Variants in TMEM106B observed in about 807,000 individuals in gnomAD.
TMEM106B encodes transmembrane protein 106B.
A neutral mutation model predicts 31.1 loss-of-function variants in TMEM106B; 15 were observed. That is an observed-to-expected ratio of 0.48 (90% confidence interval 0.32 to 0.74). TMEM106B has a LOEUF of 0.74. Ranked by LOEUF, TMEM106B falls within the 30% of genes least tolerant of loss-of-function variation. The pLI is 0.03. For missense variants in TMEM106B, 283 were observed against 327.3 expected (o/e 0.86, Z 1.04); for synonymous variants, 126 against 112.5 (o/e 1.12, Z -0.76).
chr7:12,212,411 G>T (rs972103237), intron 1 of TMEM106B, among the ~76,000 whole-genome samples: 1 of 151,974 alleles, frequency 6.6e-6, no homozygotes, highest in Non-Finnish European at 1.5e-5. Context: ...GTGGCTGACA[G>T]GTGTTGATTA....
intron 4 of TMEM106B, among the ~76,000 whole-genome samples, chr7:12,224,611 T>C (rs1455725359): frequency 2.0e-5 from 3 of 148,182 alleles, no homozygotes; most frequent in Non-Finnish European, 4.4e-5. Flanking sequence ...CATTTGAAAA[T>C]GTCTTTAGGA....
intron 2 of TMEM106B, chr7:12,215,827 G>GAA: frequency 1.2e-5 from 2 of 162,468 alleles, no homozygotes; most frequent in Non-Finnish European, 1.5e-5. Flanking sequence ...GAGCCAAATT[G>GAA]AAAAAAAAAA....
chr7:12,224,504 GTA>G, intron 4 of TMEM106B, 119 bp downstream of exon 4: 1 of 776,410 alleles, frequency 1.3e-6, no homozygotes, highest in Non-Finnish European at 2.0e-6. Context: ...TGTGCTTTCT[GTA>G]TGTCTTTTCT....
At chr7:12,227,703 A>G (rs1239919038) in intron 4 of TMEM106B, among the ~76,000 whole-genome samples, 4 of 151,972 alleles carry the variant, frequency 2.6e-5, no homozygotes, top group African/African-American at 4.8e-5. Context: ...ACATTTGCCA[A>G]TTAAAGATCA....
In TMEM106B at chr7:12,237,844, C is replaced by A. The variant is rs527888619; in HGVS notation, c.*5869C>A. 1.3e-5 allele frequency: 2 copies of A among 150,434 alleles called. No individual in the cohort carries two copies. Among genetic ancestry groups the A allele is most frequent in the East Asian group, 3.9e-4 (2 of 5,100 alleles). The allele number at this position is 150,434 out of a possible 1,614,324, so 9.3% of individuals were successfully genotyped here. ...ACACACACACACACACACACACACA[C>A]ACACACACACACTATTGCTAAAAAA... On this transcript the variant is annotated 3_prime_UTR_variant, in exon 8 of 8. Transcript: ENST00000396668.
rs530790225 is a variant in TMEM106B at position 12,233,914 on chromosome 7, A to C, written c.*1939A>C. Reference sequence around the variant, plus strand: ...CAAATCTGCTTCTCCATATGTGACCAGTCACCTGTCTGCTTTCACATTTAG... The same window carrying C: ...CAAATCTGCTTCTCCATATGTGACCCGTCACCTGTCTGCTTTCACATTTAG... On this transcript the variant is annotated 3_prime_UTR_variant, in exon 8 of 8. Coordinates refer to ENST00000396668, the MANE Select transcript of TMEM106B (RefSeq NM_001134232.2). 1.4e-3 allele frequency: 205 copies of C among 151,818 alleles called. No individual in the cohort carries two copies. Among genetic ancestry groups the C allele is most frequent in the African/African-American group, 4.6e-3 (193 of 41,512 alleles). 9.4% of individuals were successfully genotyped at this position (151,818 alleles called of 1,614,324 possible). A position where few individuals can be genotyped will look rare whatever the true frequency, so the allele number is the denominator to read the frequency against.
Position 12,243,329 on chromosome 7 carries a change from G to T in TMEM106B, c.*11354G>T, listed in dbSNP as rs145111592. 1 of 152,016 alleles carries T rather than the reference G, an allele frequency of 6.6e-6. No homozygotes were observed. Among genetic ancestry groups the T allele is most frequent in the Non-Finnish European group, 1.5e-5 (1 of 67,954 alleles). 9.4% of individuals were successfully genotyped at this position (152,016 alleles called of 1,614,324 possible). A position where few individuals can be genotyped will look rare whatever the true frequency, so the allele number is the denominator to read the frequency against. On this transcript the variant is annotated 3_prime_UTR_variant, in exon 8 of 8. Coordinates refer to ENST00000396668, the MANE Select transcript of TMEM106B (RefSeq NM_001134232.2). ...TTGATACTAATTTTTAAGAAGAAATGTATCATTCTCATGGAAATAAAAGAT... is the reference window on the plus strand; with the variant it reads ...TTGATACTAATTTTTAAGAAGAAATTTATCATTCTCATGGAAATAAAAGAT...
At chr7:12,221,206 A>AT (rs1287857905) in intron 3 of TMEM106B, among the ~76,000 whole-genome samples, 3 of 152,172 alleles carry the variant, frequency 2.0e-5, no homozygotes, top group African/African-American at 7.2e-5. Context: ...TTCTAACTGT[A>AT]TATGAAGTTG....
intron 1 of TMEM106B, among the ~76,000 whole-genome samples, chr7:12,212,311 C>T (rs1425256112): frequency 6.6e-6 from 1 of 152,100 alleles, no homozygotes; most frequent in Non-Finnish European, 1.5e-5. Context: ...GCTGATAAGG[C>T]CCAATGATCC....
Position 12,236,374 on chromosome 7 carries a change from A to C in TMEM106B, c.*4399A>C, listed in dbSNP as rs1028566527. The C allele has an allele frequency of 6.6e-6, 1 of 151,936 alleles. No homozygotes were observed. The highest frequency in any genetic ancestry group is 1.5e-5 in the Non-Finnish European group (1 of 67,862). The allele number at this position is 151,936 out of a possible 1,614,324, so 9.4% of individuals were successfully genotyped here. On this transcript the variant is annotated 3_prime_UTR_variant, in exon 8 of 8. Coordinates refer to ENST00000396668, the MANE Select transcript of TMEM106B (RefSeq NM_001134232.2). ...GTACAAGTATTTATCACAGACTCTAAATTGAAAAATGTAGTATGATCTATA... is the reference window on the plus strand; with the variant it reads ...GTACAAGTATTTATCACAGACTCTACATTGAAAAATGTAGTATGATCTATA...
intron 2 of TMEM106B, among the ~76,000 whole-genome samples, chr7:12,217,993 T>G (rs184069040): frequency 6.6e-6 from 1 of 152,218 alleles, no homozygotes; most frequent in African/African-American, 2.4e-5. Context: ...GCTTGAGACT[T>G]CTACTTCAGA....
Position 12,229,835 on chromosome 7 carries a change from G to T in TMEM106B, c.582+16G>T. ...TATGAAACAAGTAAGAATCAATCAT[G>T]AAATACTTTGTAAGAGTTAAATGAA... On this transcript the variant is annotated intron_variant, in intron 5 of 7. Transcript: ENST00000396668. The T allele has an allele frequency of 6.3e-7, 1 of 1,590,816 alleles. No homozygotes were observed. Among genetic ancestry groups the T allele is most frequent in the South Asian group, 1.2e-5 (1 of 86,792 alleles).
chr7:12,231,275 G>A (rs562247403), intron 7 of TMEM106B, 160 bp downstream of exon 7: 19 of 547,660 alleles, frequency 3.5e-5, no homozygotes, highest in Middle Eastern at 7.4e-4. Flanking sequence ...TAAAAATTAC[G>A]AAATGGTTGT....
intron 1 of TMEM106B, 90 bp downstream of exon 1, chr7:12,211,515 G>A (rs1409995134): frequency 6.5e-6 from 1 of 152,850 alleles, no homozygotes; most frequent in South Asian, 2.1e-4. Context: ...CTGACAAGGA[G>A]GGGAGGCCGC....
chr7:12,236,232 A>G lies in TMEM106B; in HGVS notation c.*4257A>G, dbSNP rs1198919118. On this transcript the variant is annotated 3_prime_UTR_variant, in exon 8 of 8. Transcript: ENST00000396668. ...TGCTTAGTCGGAATACAAATTTCAC[A>G]GTGGATTTTTGAAGTTTGTCCTTAA... The G allele has an allele frequency of 6.6e-6, 1 of 151,934 alleles. No individual in the cohort carries two copies. Among genetic ancestry groups the G allele is most frequent in the Non-Finnish European group, 1.5e-5 (1 of 67,862 alleles). 9.4% of individuals were successfully genotyped at this position (151,934 alleles called of 1,614,324 possible). A position where few individuals can be genotyped will look rare whatever the true frequency, so the allele number is the denominator to read the frequency against.
At chr7:12,230,986 C>T in intron 6 of TMEM106B, 76 bp from the exon 7 acceptor site, 1 of 1,021,158 alleles carries the variant, frequency 9.8e-7, no homozygotes, top group South Asian at 1.6e-5. Flanking sequence ...TCTCTGTTAG[C>T]TTTAAGATAG....
rs6460904 is a variant in TMEM106B at position 12,238,523 on chromosome 7, G to T, written c.*6548G>T. The T allele has an allele frequency of 1.3e-5, 2 of 152,166 alleles. No homozygotes were observed. 9.4% of individuals were successfully genotyped at this position (152,166 alleles called of 1,614,324 possible). ...CTAGAATGGCAAATCCTTTCTGGAA[G>T]GTTTCAATTTACTTTGCCCAGATCC... On this transcript the variant is annotated 3_prime_UTR_variant, in exon 8 of 8. Coordinates refer to ENST00000396668, the MANE Select transcript of TMEM106B (RefSeq NM_001134232.2).
intron 1 of TMEM106B, among the ~76,000 whole-genome samples, chr7:12,213,424 A>G (rs6460899): frequency 1.2e-4 from 18 of 152,128 alleles, no homozygotes; most frequent in African/African-American, 4.3e-4. Flanking sequence ...GTGAATTTTC[A>G]GAGGCTGAAA....
At chr7:12,225,488 G>A (rs1377678266) in intron 4 of TMEM106B, among the ~76,000 whole-genome samples, 1 of 152,168 alleles carries the variant, frequency 6.6e-6, no homozygotes, top group Non-Finnish European at 1.5e-5. Context: ...CCCTCCAACA[G>A]TGTAAAAGTG....
Sources: gnomAD v4.1 joint callset for allele counts (sites outside exome capture counted in the v4.1 genomes callset) on GRCh38, gnomAD v4.1.1 for gene constraint, MANE v1.5 for transcripts, NCBI Gene and HGNC (gene_info 2026-07-23, HGNC 2026-07-21) for gene names.